The following TBC1D5 variants were observed in gnomAD, a reference collection of about 807,000 sequenced individuals.
The protein encoded by TBC1D5 is TBC1 domain family, member 5.
TBC1D5 carries 75 observed loss-of-function variants against 100.3 expected under a neutral mutation model. The ratio of observed to expected loss-of-function variants is 0.75; its 90% CI spans 0.62 to 0.91. The LOEUF (loss-of-function observed/expected upper bound fraction) is 0.91. Ranked by LOEUF, TBC1D5 falls within the 40% of genes least tolerant of loss-of-function variation. The pLI is 0.00. For synonymous variants in TBC1D5, 323 were observed against 325.6 expected (o/e 0.99, Z 0.09); for missense variants, 910 against 942.4 (o/e 0.97, Z 0.45).
At chr3:17,417,891 T>TA (rs398038799) in intron 4 of TBC1D5, among the ~76,000 whole-genome samples, 1 of 151,952 alleles carries the variant, frequency 6.6e-6, no homozygotes, top group African/African-American at 2.4e-5. Context: ...TATTTTTTTT[T>TA]AATTGGAATG....
chr3:17,699,567 T>A (rs199972643), intron 1 of TBC1D5, among the ~76,000 whole-genome samples: 1 of 145,624 alleles, frequency 6.9e-6, no homozygotes, highest in Non-Finnish European at 1.5e-5. Context: ...TTTTTAAAAT[T>A]ACCATAATAA....
At chr3:17,721,930 C>T (rs1222519808) in intron 1 of TBC1D5, among the ~76,000 whole-genome samples, 1 of 151,750 alleles carries the variant, frequency 6.6e-6, no homozygotes, top group Non-Finnish European at 1.5e-5. Context: ...TGCAGTGAGC[C>T]GAGATCACGC....
chr3:17,402,241 A>T (rs1325208293), intron 8 of TBC1D5, among the ~76,000 whole-genome samples: 2 of 152,130 alleles, frequency 1.3e-5, no homozygotes, highest in Non-Finnish European at 2.9e-5. Flanking sequence ...CAAAGAAATG[A>T]ATATCAGAGA....
Position 17,666,980 on chromosome 3 carries a change from G to A in TBC1D5, c.-100-43067C>T, listed in dbSNP as rs528608238. Among the ~76,000 whole-genome samples, 26 of 152,200 alleles carry A rather than the reference G, an allele frequency of 1.7e-4. 1 individual carries two copies. In the South Asian group the frequency reaches 3.9e-3, roughly 23 times the overall value. ...TTTTCATTTATTCACTCAACAGTTA[G>A]TGAATGTTAGAAAAATATAAAAATG... is the stretch of plus-strand genomic sequence containing the variant. On this transcript the variant is annotated intron_variant, in intron 1 of 21. Coordinates refer to ENST00000253692, the Ensembl canonical transcript of TBC1D5.
chr3:17,717,118 C>T (rs180761255), intron 1 of TBC1D5, among the ~76,000 whole-genome samples: 10 of 152,084 alleles, frequency 6.6e-5, no homozygotes, highest in Middle Eastern at 3.4e-3. Flanking sequence ...AGCCACCTAG[C>T]CAGTAAACAG....
chr3:17,699,813 GAAAAAAA>G lies in TBC1D5; in HGVS notation c.-101+39523_-101+39529del, dbSNP rs577083282. On this transcript the variant is annotated intron_variant, in intron 1 of 21. Transcript: ENST00000253692. ...GGATTAAAGGAGTACTGTGTCAAGGGAAAAAAAAAAAAAAGAAAGAAAGTTTTCTCAT... is the reference window on the plus strand; with the variant it reads ...GGATTAAAGGAGTACTGTGTCAAGGGAAAAAAAGAAAGAAAGTTTTCTCAT... Among the ~76,000 whole-genome samples, 33 of 133,388 alleles carry G rather than the reference GAAAAAAA, an allele frequency of 2.5e-4. No individual in the cohort carries two copies. The South Asian group carries it at 7.4e-3, about 30-fold the overall frequency. The allele number at this position is 133,388 out of a possible 152,430, so 87.5% of individuals were successfully genotyped here.
rs1023686807 is a variant in TBC1D5 at position 17,671,630 on chromosome 3, A to G, written c.-100-47717T>C. On this transcript the variant is annotated intron_variant, in intron 1 of 21. Transcript: ENST00000253692. The stretch of plus-strand genomic sequence containing the variant: ...CTATTTTGAATGGGTTTACAGGACA[A>G]TTACAAACTCCTGTGAATTCAAAAA... Among the ~76,000 whole-genome samples the G allele has an allele frequency of 1.6e-4, 25 of 152,248 alleles. 1 individual carries two copies. Among genetic ancestry groups the G allele is most frequent in the Non-Finnish European group, 2.9e-5 (2 of 68,042 alleles).
At chr3:17,683,783 T>C (rs552918925) in intron 1 of TBC1D5, among the ~76,000 whole-genome samples, 16 of 152,326 alleles carry the variant, frequency 1.1e-4, no homozygotes, top group African/African-American at 3.8e-4. Flanking sequence ...AGTAGTTATA[T>C]CACTGTGAAG....
intron 13 of TBC1D5, among the ~76,000 whole-genome samples, chr3:17,329,111 T>C (rs994441681): frequency 2.6e-5 from 4 of 152,190 alleles, no homozygotes; most frequent in African/African-American, 9.7e-5. Context: ...ATCTCTCCTG[T>C]AGAGCCACAG....
chr3:17,676,846 C>A (rs2068711010), intron 1 of TBC1D5, among the ~76,000 whole-genome samples: 1 of 152,106 alleles, frequency 6.6e-6, no homozygotes, highest in Non-Finnish European at 1.5e-5. Context: ...GAAATAATAC[C>A]ACACATCTAC....
At chr3:17,347,518 C>A (rs1302114187) in intron 13 of TBC1D5, among the ~76,000 whole-genome samples, 1 of 151,906 alleles carries the variant, frequency 6.6e-6, no homozygotes, top group Non-Finnish European at 1.5e-5. Context: ...GACAAGTTAC[C>A]TAAAATCATA....
Position 17,216,372 on chromosome 3 carries a change from CAG to C in TBC1D5, c.1589-2004_1589-2003del, listed in dbSNP as rs143654056. ...CCTGCAGAGTTCCCCTTTGAACTGG[CAG>C]AGACTTGTTAGATCTGTATCATGGT... On this transcript the variant is annotated intron_variant, in intron 17 of 21. Coordinates refer to ENST00000253692, the Ensembl canonical transcript of TBC1D5. Among the ~76,000 whole-genome samples, 1,198 of 152,184 alleles carry C rather than the reference CAG, an allele frequency of 7.9e-3. 10 individuals are homozygous for C. Among genetic ancestry groups the C allele is most frequent in the Non-Finnish European group, 0.014 (945 of 67,996 alleles).
At chr3:17,625,880 G>A (rs1006722009) in intron 1 of TBC1D5, among the ~76,000 whole-genome samples, 4 of 152,024 alleles carry the variant, frequency 2.6e-5, no homozygotes, top group African/African-American at 9.7e-5. Context: ...AGTTGTTTGA[G>A]TTTAGAAAAT....
intron 2 of TBC1D5, among the ~76,000 whole-genome samples, chr3:17,560,705 G>A (rs2096553112): frequency 6.6e-6 from 1 of 151,756 alleles, no homozygotes; most frequent in African/African-American, 2.4e-5. Context: ...GGTGGATCAT[G>A]AGGTCAGGAG....
intron 2 of TBC1D5, among the ~76,000 whole-genome samples, chr3:17,583,977 G>A (rs1407694813): frequency 6.6e-6 from 1 of 152,096 alleles, no homozygotes; most frequent in South Asian, 2.1e-4. Context: ...CGAATAAATG[G>A]ATAAACACAT....
intron 9 of TBC1D5, among the ~76,000 whole-genome samples, chr3:17,382,704 G>A (rs1017377561): frequency 1.3e-5 from 2 of 151,790 alleles, no homozygotes; most frequent in Admixed American, 6.6e-5. Flanking sequence ...GAGACTATAC[G>A]TGTGCACCAC....
intron 19 of TBC1D5, among the ~76,000 whole-genome samples, chr3:17,175,114 T>C (rs1347038994): frequency 1.3e-5 from 2 of 152,218 alleles, no homozygotes; most frequent in Non-Finnish European, 2.9e-5. Flanking sequence ...GATGGTCTAT[T>C]AAGAGCCAAG....
At chr3:17,415,091 A>T (rs913764189) in intron 4 of TBC1D5, among the ~76,000 whole-genome samples, 2 of 152,188 alleles carry the variant, frequency 1.3e-5, no homozygotes, top group Non-Finnish European at 2.9e-5. Flanking sequence ...TTTTCACAGG[A>T]ACACAAAGAA....
At chr3:17,211,728 C>T (rs975360948) in intron 18 of TBC1D5, among the ~76,000 whole-genome samples, 7 of 152,268 alleles carry the variant, frequency 4.6e-5, no homozygotes, top group African/African-American at 1.7e-4. Context: ...ATTTTTATTG[C>T]TACTGTTTTT....
Sources: allele counts gnomAD v4.1 joint callset (sites outside exome capture counted in the v4.1 genomes callset), GRCh38; gene constraint gnomAD v4.1.1; transcripts MANE v1.5; gene names NCBI Gene and HGNC (gene_info 2026-07-23, HGNC 2026-07-21).